CALD1: variants seen among roughly 807,000 people sequenced by gnomAD.
CALD1 encodes caldesmon.
In CALD1, 33 loss-of-function variants were observed where a neutral mutation model predicts 99.9. The observed-to-expected ratio is 0.33, with a 90% CI of 0.25 to 0.44. The LOEUF (loss-of-function observed/expected upper bound fraction) is 0.44. Among genes scored for constraint, CALD1 ranks in the 20% least tolerant of loss-of-function variants. The pLI is 1.00. For missense variants in CALD1, 861 were observed against 962.1 expected (o/e 0.89, Z 1.39); for synonymous variants, 310 against 325.0 (o/e 0.95, Z 0.50).
intron 9 of CALD1, 79 bp downstream of exon 9, chr7:134,950,593 C>G (rs1807260914): frequency 1.2e-5 from 13 of 1,124,552 alleles, no homozygotes; most frequent in Non-Finnish European, 1.3e-5. Flanking sequence ...ATTGATTATA[C>G]AGGGCCTTTG....
At chr7:134,968,006 C>T (rs947090414) in intron 14 of CALD1, among the ~76,000 whole-genome samples, 6 of 151,966 alleles carry the variant, frequency 3.9e-5, no homozygotes, top group East Asian at 1.9e-4. Flanking sequence ...ATTAGCCGGG[C>T]GTGGTGGTGT....
intron 11 of CALD1, among the ~76,000 whole-genome samples, 181 bp from the exon 12 acceptor site, chr7:134,959,793 A>G (rs1338619379): frequency 2.0e-5 from 3 of 152,218 alleles, no homozygotes; most frequent in Non-Finnish European, 4.4e-5. Flanking sequence ...GTGATGGTTT[A>G]TTTTGAGGGA....
Position 134,911,121 on chromosome 7 carries a change from C to T in CALD1, c.72-17633C>T, listed in dbSNP as rs551576994. Among the ~76,000 whole-genome samples the T allele has an allele frequency of 3.9e-5, 6 of 152,126 alleles. No homozygotes were observed. The South Asian group carries it at 1.0e-3, about 26-fold the overall frequency. On this transcript the variant is annotated intron_variant, in intron 3 of 14. Coordinates refer to ENST00000361675, the MANE Select transcript of CALD1 (RefSeq NM_033138.4). ...CCAAGCCTAGCTTTTAGTAGGCTGC[C>T]GCCGCCACTCCTCGGTTGGTTTAAT... is the stretch of plus-strand genomic sequence containing the variant.
chr7:134,754,706 T>C (rs1796712906), intron 1 of CALD1, among the ~76,000 whole-genome samples: 1 of 149,564 alleles, frequency 6.7e-6, no homozygotes, highest in Non-Finnish European at 1.5e-5. Flanking sequence ...ATAATGGAGA[T>C]CTTTCATTTC....
At chr7:134,849,114 T>G (rs1335413353) in intron 2 of CALD1, among the ~76,000 whole-genome samples, 2 of 152,236 alleles carry the variant, frequency 1.3e-5, no homozygotes, top group Non-Finnish European at 1.5e-5. Context: ...ACTGTATTTA[T>G]TTTTCATTGG....
rs761692400 is a variant in CALD1, at chr7:134,935,784, T to C, written c.1386+19T>C. The C allele has an allele frequency of 6.4e-7, 1 of 1,561,726 alleles. No homozygotes were observed. The highest frequency in any genetic ancestry group is 8.6e-7 in the Non-Finnish European group (1 of 1,156,542). ...AGAAGAGGTAAATATGATTGAAAAGTAATGATCGTAAAGCAACAGAAAAAG... is the reference window on the plus strand; with the variant it reads ...AGAAGAGGTAAATATGATTGAAAAGCAATGATCGTAAAGCAACAGAAAAAG... On this transcript the variant is annotated intron_variant, in intron 6 of 14. Coordinates refer to ENST00000361675, the MANE Select transcript of CALD1 (RefSeq NM_033138.4).
At chr7:134,904,944 T>C (rs760923286) in intron 3 of CALD1, among the ~76,000 whole-genome samples, 10 of 151,976 alleles carry the variant, frequency 6.6e-5, no homozygotes, top group Non-Finnish European at 1.5e-4. Context: ...ATAGAGAAAA[T>C]AAGAGATGAA....
At chr7:134,735,126 G>C in the CALD1 span, 1 of 159,032 alleles carries the variant, frequency 6.3e-6, no homozygotes, top group Non-Finnish European at 1.4e-5. Flanking sequence ...GCTGTTCTCT[G>C]GAGAAATACA....
At chr7:134,738,242 C>T in the CALD1 span, among the ~76,000 whole-genome samples, 18 of 152,328 alleles carry the variant, frequency 1.2e-4, no homozygotes, top group African/African-American at 2.9e-4. Context: ...TCAGTTCACA[C>T]GCTAACTTGC....
In CALD1 at chr7:134,867,799, A is replaced by G. The variant is rs1800870190; in HGVS notation, c.66A>G (p.Ala22=). Residue 22 remains alanine, a synonymous_variant, in exon 3 of 15, where the codon GCA becomes GCG. Transcript: ENST00000361675. ...RQKREEMRLE[A]ERIAYQRNDD... ...AGAGGGAGGAGATGCGACTCGAAGC[A>G]GAAAGGTAAGGATCTAGGGTGAAAA... 3 of 1,597,580 alleles carry G rather than the reference A, an allele frequency of 1.9e-6. No individual in the cohort carries two copies. Among genetic ancestry groups the G allele is most frequent in the African/African-American group, 2.7e-5 (2 of 74,734 alleles).
At chr7:134,950,650 C>T in intron 9 of CALD1, 136 bp downstream of exon 9, 1 of 728,878 alleles carries the variant, frequency 1.4e-6, no homozygotes, top group Non-Finnish European at 2.2e-6. Flanking sequence ...GTTCAGGCTG[C>T]TATAACAAAA....
At chr7:134,721,657 C>A in the CALD1 span, among the ~76,000 whole-genome samples, 1 of 151,994 alleles carries the variant, frequency 6.6e-6, no homozygotes, top group Admixed American at 6.5e-5. Flanking sequence ...TACAGCCAAT[C>A]CCAGTGACTA....
chr7:134,858,364 T>C (rs1032882902), intron 2 of CALD1, among the ~76,000 whole-genome samples: 1 of 151,980 alleles, frequency 6.6e-6, no homozygotes, highest in African/African-American at 2.4e-5. Flanking sequence ...AAAGCCTCCA[T>C]AGGAAAATGG....
intron 3 of CALD1, 54 bp from the exon 4 acceptor site, chr7:134,928,700 G>A (rs1805250775): frequency 6.4e-6 from 10 of 1,571,324 alleles, no homozygotes; most frequent in African/African-American, 2.7e-5. Context: ...CAAGAGGTTG[G>A]TGAAGACACG....
At chr7:134,892,343 A>G (rs1457624501) in intron 3 of CALD1, among the ~76,000 whole-genome samples, 1 of 152,230 alleles carries the variant, frequency 6.6e-6, no homozygotes, top group Non-Finnish European at 1.5e-5. Flanking sequence ...AACAGTCGGT[A>G]GCAAAGCCAT....
At chr7:134,767,368 G>A (rs964088787) in intron 1 of CALD1, among the ~76,000 whole-genome samples, 2 of 152,014 alleles carry the variant, frequency 1.3e-5, no homozygotes, top group Non-Finnish European at 2.9e-5. Flanking sequence ...ATATTTTTCC[G>A]ATCTTAAAAA....
At chr7:134,887,049 C>T (rs1428979431) in intron 3 of CALD1, among the ~76,000 whole-genome samples, 3 of 152,184 alleles carry the variant, frequency 2.0e-5, no homozygotes, top group Non-Finnish European at 4.4e-5. Flanking sequence ...TGTCACAACC[C>T]AAGCCCCTAT....
intron 1 of CALD1, among the ~76,000 whole-genome samples, chr7:134,791,265 C>T (rs1442493934): frequency 1.3e-5 from 2 of 152,186 alleles, no homozygotes; most frequent in South Asian, 2.1e-4. Flanking sequence ...GGCACGATCT[C>T]GGCTCACTGC....
chr7:134,964,320 GAGA>G (rs1373678274), intron 13 of CALD1, among the ~76,000 whole-genome samples: 1 of 152,196 alleles, frequency 6.6e-6, no homozygotes, highest in East Asian at 1.9e-4. Flanking sequence ...CTGAGGTTGG[GAGA>G]AGAAGGCAGT....
Sources: gnomAD v4.1 joint callset for allele counts (sites outside exome capture counted in the v4.1 genomes callset) on GRCh38, gnomAD v4.1.1 for gene constraint, MANE v1.5 for transcripts, NCBI Gene and HGNC (gene_info 2026-07-23, HGNC 2026-07-21) for gene names.